Variants in CDADC1 observed in about 807,000 individuals in gnomAD.
CDADC1 encodes the protein cytidine and dCMP deaminase domain containing 1.
CDADC1 carries 39 observed loss-of-function variants against 54.9 expected under a neutral mutation model. The observed-to-expected ratio is 0.71, with a 90% CI of 0.55 to 0.93. CDADC1 has a LOEUF of 0.93. Ranked by LOEUF, CDADC1 falls within the 40% of genes least tolerant of loss-of-function variation. CDADC1 has a pLI of 0.00. For synonymous variants in CDADC1, 186 were observed against 204.0 expected, an observed-to-expected ratio of 0.91 and a Z score of 0.75; for missense variants, 518 against 618.8, an observed-to-expected ratio of 0.84 and a Z score of 1.73.
At chr13:49,284,193 C>T (rs963593139) in intron 8 of CDADC1, among the ~76,000 whole-genome samples, 2 of 152,060 alleles carry the variant, frequency 1.3e-5, no homozygotes, top group Admixed American at 6.5e-5. Context: ...TCTTTGTTTT[C>T]TCTTTAATAT....
At position 49,270,370 on chromosome 13, in the gene CDADC1, C is replaced by A. The variant is rs1209549237; in HGVS notation, c.1000+2311C>A. 2.0e-5 allele frequency among the ~76,000 whole-genome samples: 3 copies of A among 152,150 alleles called. 1 individual carries two copies. Among genetic ancestry groups the A allele is most frequent in the Non-Finnish European group, 1.5e-5 (1 of 67,990 alleles). On this transcript the variant is annotated intron_variant, in intron 5 of 9. Coordinates refer to ENST00000251108, the MANE Select transcript of CDADC1 (RefSeq NM_030911.4). ...TGAGTAGCTTGTACTACAGGTGAAC[C>A]ACCACCATGTCCAGCCAATTTTTAA...
intron 5 of CDADC1, among the ~76,000 whole-genome samples, chr13:49,269,162 G>A (rs953579060): frequency 1.3e-5 from 2 of 152,170 alleles, no homozygotes; most frequent in African/African-American, 2.4e-5. Flanking sequence ...ATCAGAAAAG[G>A]TCTCTACAGA....
intron 8 of CDADC1, among the ~76,000 whole-genome samples, chr13:49,281,049 G>C (rs935772784): frequency 6.6e-6 from 1 of 151,950 alleles, no homozygotes; most frequent in Non-Finnish European, 1.5e-5. Context: ...GTCCGGGCTG[G>C]TCTCAAACTC....
At chr13:49,260,123 T>C (rs1339333539) in intron 4 of CDADC1, among the ~76,000 whole-genome samples, 1 of 152,050 alleles carries the variant, frequency 6.6e-6, no homozygotes, top group Admixed American at 6.6e-5. Flanking sequence ...TATGTAAATA[T>C]ATATCTGAAG....
At chr13:49,274,141 A>T in intron 5 of CDADC1, 150 bp from the exon 6 acceptor site, 1 of 581,650 alleles carries the variant, frequency 1.7e-6, no homozygotes, top group South Asian at 2.1e-5. Flanking sequence ...TGTTTATTTT[A>T]ATACTTTTCT....
chr13:49,278,735 A>G (rs1223662353), intron 7 of CDADC1, among the ~76,000 whole-genome samples: 3 of 152,092 alleles, frequency 2.0e-5, no homozygotes, highest in African/African-American at 4.8e-5. Context: ...TTTGTTGAGC[A>G]TGTCTTTTTT....
intron 5 of CDADC1, among the ~76,000 whole-genome samples, chr13:49,270,284 C>G (rs1952932980): frequency 6.6e-6 from 1 of 152,108 alleles, no homozygotes; most frequent in African/African-American, 2.4e-5. Flanking sequence ...TGCAGTGGCA[C>G]TCATGGCTCA....
At chr13:49,259,259 C>T in intron 3 of CDADC1, 87 bp from the exon 4 acceptor site, 1 of 938,090 alleles carries the variant, frequency 1.1e-6, no homozygotes. Context: ...AACAAAACTT[C>T]CATTTTTATT....
chr13:49,278,522 A>G lies in CDADC1; in HGVS notation c.1220+3A>G. 6.7e-7 allele frequency: 1 copy of G among 1,495,822 alleles called. No individual in the cohort carries two copies. The highest frequency in any genetic ancestry group is 9.1e-7 in the Non-Finnish European group (1 of 1,101,774). 92.7% of individuals were successfully genotyped at this position (1,495,822 alleles called of 1,614,324 possible). A position where few individuals can be genotyped will look rare whatever the true frequency, so the allele number is the denominator to read the frequency against. ...GAACAGAATGCCTTGACATTTAGGT[A>G]TGAAATCCTTCTTGGTGTACTTTTC... On this transcript the variant is annotated splice_donor_region_variant and intron_variant, in intron 7 of 9. Transcript: ENST00000251108.
At chr13:49,253,684 G>A (rs1413822655) in intron 2 of CDADC1, among the ~76,000 whole-genome samples, 2 of 152,158 alleles carry the variant, frequency 1.3e-5, no homozygotes, top group Non-Finnish European at 2.9e-5. Flanking sequence ...TGTTGTTGTT[G>A]TTGTTGTCTC....
chr13:49,259,321 G>C (rs768221697), intron 3 of CDADC1, 25 bp from the exon 4 acceptor site: 1 of 1,512,858 alleles, frequency 6.6e-7, no homozygotes, highest in Non-Finnish European at 9.1e-7. Context: ...TAACTAATAA[G>C]TTGTTATTTT....
Position 49,292,775 on chromosome 13 carries a change from T to C in CDADC1, c.*1018T>C. 7.8e-7 allele frequency: 1 copy of C among 1,283,514 alleles called. No homozygotes were observed. The highest frequency in any genetic ancestry group is 1.0e-6 in the Non-Finnish European group (1 of 986,362). 79.5% of individuals were successfully genotyped at this position (1,283,514 alleles called of 1,614,324 possible). ...TGAAGGTACATTTTCTGTTCTCTCCTAGGTTAGAGAGGGGTGGCCTGGGGT... is the reference window on the plus strand; with the variant it reads ...TGAAGGTACATTTTCTGTTCTCTCCCAGGTTAGAGAGGGGTGGCCTGGGGT... On this transcript the variant is annotated 3_prime_UTR_variant, in exon 10 of 10. Coordinates refer to ENST00000251108, the MANE Select transcript of CDADC1 (RefSeq NM_030911.4).
chr13:49,262,421 C>G (rs946875072), intron 4 of CDADC1, among the ~76,000 whole-genome samples: 8 of 152,168 alleles, frequency 5.3e-5, no homozygotes, highest in African/African-American at 1.7e-4. Flanking sequence ...GCACTCCAGC[C>G]TGGGCCACAG....
chr13:49,264,720 TAAA>T (rs34176559), intron 4 of CDADC1, among the ~76,000 whole-genome samples: 3 of 142,180 alleles, frequency 2.1e-5, no homozygotes, highest in African/African-American at 2.6e-5. Context: ...GGTCTCTATT[TAAA>T]AAAAAAAAAA....
chr13:49,276,477 A>T (rs953615333), intron 6 of CDADC1, among the ~76,000 whole-genome samples: 10 of 152,202 alleles, frequency 6.6e-5, no homozygotes, highest in African/African-American at 2.2e-4. Flanking sequence ...GGGACTTCAC[A>T]GAAAGTAATC....
chr13:49,268,203 C>T, intron 5 of CDADC1, 144 bp downstream of exon 5: 1 of 657,122 alleles, frequency 1.5e-6, no homozygotes, highest in Non-Finnish European at 2.6e-6. Flanking sequence ...TAGTGAGACC[C>T]TTGAGTAGAC....
At chr13:49,264,478 G>A (rs1369311192) in intron 4 of CDADC1, among the ~76,000 whole-genome samples, 1 of 150,350 alleles carries the variant, frequency 6.7e-6, no homozygotes, top group African/African-American at 2.5e-5. Context: ...TCCCAACATT[G>A]TGAGGCCAGT....
chr13:49,257,543 G>A (rs1952573613), intron 3 of CDADC1, among the ~76,000 whole-genome samples: 1 of 152,182 alleles, frequency 6.6e-6, no homozygotes, highest in Admixed American at 6.5e-5. Context: ...GGCCGAGGCG[G>A]GCGGATCACG....
intron 7 of CDADC1, among the ~76,000 whole-genome samples, chr13:49,280,076 C>T (rs1953271279): frequency 6.6e-6 from 1 of 152,132 alleles, no homozygotes; most frequent in Admixed American, 6.5e-5. Flanking sequence ...AGGGCTGTGT[C>T]ATTTGTCTAA....
Sources: allele counts gnomAD v4.1 joint callset (sites outside exome capture counted in the v4.1 genomes callset), GRCh38; gene constraint gnomAD v4.1.1; transcripts MANE v1.5; gene names NCBI Gene and HGNC (gene_info 2026-07-23, HGNC 2026-07-21).